Variants in ERC2 observed in about 807,000 individuals in gnomAD.
ERC2 encodes the protein ERC protein 2.
A neutral mutation model predicts 114.8 loss-of-function variants in ERC2; 42 were observed. The ratio of observed to expected loss-of-function variants is 0.37; its 90% CI spans 0.29 to 0.47. The LOEUF (loss-of-function observed/expected upper bound fraction) is 0.47. ERC2 is among the 20% of genes least tolerant of loss of function. The probability of loss-of-function intolerance (pLI) is 0.99; values close to 1 mark genes in which losing one functional copy is unlikely to be tolerated. For missense variants in ERC2, 939 were observed against 1,150.7 expected, an observed-to-expected ratio of 0.82 and a Z score of 2.66; for synonymous variants, 454 against 425.5, an observed-to-expected ratio of 1.07 and a Z score of -0.82.
chr3:56,443,602 C>T (rs1020370438), intron 1 of ERC2, among the ~76,000 whole-genome samples: 3 of 152,070 alleles, frequency 2.0e-5, no homozygotes, highest in African/African-American at 7.2e-5. Flanking sequence ...CCCCATGCCC[C>T]ACCCAGCTGT....
intron 13 of ERC2, among the ~76,000 whole-genome samples, chr3:55,893,651 G>A (rs2063713862): frequency 6.6e-6 from 1 of 152,088 alleles, no homozygotes; most frequent in African/African-American, 2.4e-5. Context: ...AGTCATTCCT[G>A]TTTAAGACCT....
intron 17 of ERC2, among the ~76,000 whole-genome samples, chr3:55,653,753 AAATGACATTT>A (rs1218064204): frequency 6.6e-6 from 1 of 152,216 alleles, no homozygotes; most frequent in Non-Finnish European, 1.5e-5. Flanking sequence ...AAAGTGATAA[AAATGACATTT>A]AAAAGTGTTC....
Position 55,920,446 on chromosome 3 carries a change from A to ACACCCCC in ERC2, c.2403+29978_2403+29979insGGGGGTG, listed in dbSNP as rs57638674. On this transcript the variant is annotated intron_variant, in intron 13 of 17. Transcript: ENST00000288221. ...CACACACACACACACACACACACAC[A>ACACCCCC]CCCCAAGTGAGAAGGATATTGCTAA... 9.3e-3 allele frequency among the ~76,000 whole-genome samples: 1,346 copies of ACACCCCC among 145,486 alleles called. 17 individuals are homozygous for ACACCCCC. Among genetic ancestry groups the ACACCCCC allele is most frequent in the Middle Eastern group, 0.049 (14 of 284 alleles).
chr3:55,708,631 T>C (rs1456022299), intron 15 of ERC2, among the ~76,000 whole-genome samples: 2 of 152,166 alleles, frequency 1.3e-5, no homozygotes, highest in East Asian at 1.9e-4. Flanking sequence ...AACTCCAGAC[T>C]CTTCTACTAC....
intron 17 of ERC2, among the ~76,000 whole-genome samples, chr3:55,662,778 A>G (rs533287730): frequency 2.0e-5 from 3 of 152,360 alleles, no homozygotes; most frequent in African/African-American, 7.2e-5. Flanking sequence ...GGGACTTGAA[A>G]TATGATGTTA....
chr3:56,267,019 G>A (rs551810705), intron 3 of ERC2, among the ~76,000 whole-genome samples: 1 of 152,272 alleles, frequency 6.6e-6, no homozygotes, highest in East Asian at 1.9e-4. Flanking sequence ...TACAGGTTGA[G>A]AATCCCTTAT....
intron 14 of ERC2, among the ~76,000 whole-genome samples, chr3:55,749,824 C>A (rs905735670): frequency 5.9e-5 from 9 of 152,326 alleles, no homozygotes; most frequent in African/African-American, 1.9e-4. Context: ...CTACTGCCCA[C>A]TCTTTGGATC....
At position 55,931,333 on chromosome 3, in the gene ERC2, C is replaced by A. The variant is rs1391865886; in HGVS notation, c.2403+19092G>T. ...TTTATTCCAGCACTGTTCACAATAG[C>A]AAAGACTTGGAACCAACCCAAATGC... is the stretch of plus-strand genomic sequence containing the variant. On this transcript the variant is annotated intron_variant, in intron 13 of 17. Transcript: ENST00000288221. 6.6e-5 allele frequency among the ~76,000 whole-genome samples: 10 copies of A among 152,256 alleles called. No homozygotes were observed. In the Middle Eastern group the frequency reaches 0.017, roughly 259 times the overall value.
rs117092437 is a variant in ERC2, at chr3:55,762,241, C to A, written c.2565-27323G>T. Among the ~76,000 whole-genome samples, 38 of 152,228 alleles carry A rather than the reference C, an allele frequency of 2.5e-4. No homozygotes were observed. In the East Asian group the frequency reaches 6.4e-3, roughly 26 times the overall value. The stretch of plus-strand genomic sequence containing the variant: ...TAAAGCCTACACTGAGTTAAATAAT[C>A]GGATTTAATGTAAGGATGGACTATT... On this transcript the variant is annotated intron_variant, in intron 14 of 17. Coordinates refer to ENST00000288221, the MANE Select transcript of ERC2 (RefSeq NM_015576.3).
At position 56,245,628 on chromosome 3, in the gene ERC2, C is replaced by T. The variant is rs533667278; in HGVS notation, c.1074+50391G>A. Among the ~76,000 whole-genome samples the T allele has an allele frequency of 2.8e-3, 428 of 151,856 alleles. 1 individual carries two copies. Among genetic ancestry groups the T allele is most frequent in the African/African-American group, 1.0e-2 (414 of 41,406 alleles). ...CCCAGGCTGGAGTGCACTGCAATCT[C>T]CGCCTCCTGGGTTCAAGCAATTCTC... On this transcript the variant is annotated intron_variant, in intron 3 of 17. Coordinates refer to ENST00000288221, the MANE Select transcript of ERC2 (RefSeq NM_015576.3).
rs1418091644 is a variant in ERC2 at position 55,937,028 on chromosome 3, G to A, written c.2403+13397C>T. Among the ~76,000 whole-genome samples the A allele has an allele frequency of 2.6e-5, 4 of 152,102 alleles. No individual in the cohort carries two copies. The South Asian group carries it at 8.3e-4, about 32-fold the overall frequency. On this transcript the variant is annotated intron_variant, in intron 13 of 17. Coordinates refer to ENST00000288221, the MANE Select transcript of ERC2 (RefSeq NM_015576.3). ...AGAAGCCAATGATCTTAACCCACGT[G>A]GTAAAAACATCCCTTAGAAAAGCAA...
At chr3:56,176,642 T>G (rs1194191058) in intron 3 of ERC2, among the ~76,000 whole-genome samples, 1 of 152,202 alleles carries the variant, frequency 6.6e-6, no homozygotes, top group African/African-American at 2.4e-5. Context: ...CTGAGGCTCA[T>G]CTTGATTCCT....
chr3:55,783,760 A>G (rs1270477882), intron 14 of ERC2, among the ~76,000 whole-genome samples: 3 of 152,174 alleles, frequency 2.0e-5, no homozygotes. Context: ...ACTTGCCCCA[A>G]CAGGTGATAA....
At chr3:55,527,026 G>A (rs889986426) in intron 17 of ERC2, among the ~76,000 whole-genome samples, 22 of 152,222 alleles carry the variant, frequency 1.4e-4, no homozygotes, top group African/African-American at 5.3e-4. Flanking sequence ...GCCTGGATGG[G>A]GGCAGGAGAG....
At chr3:56,032,977 G>GAAAGAAAGAGAAAGAA (rs767054115) in intron 7 of ERC2, among the ~76,000 whole-genome samples, 2 of 45,436 alleles carry the variant, frequency 4.4e-5, no homozygotes, top group African/African-American at 6.9e-5. Context: ...AAGAAAGAAA[G>GAAAGAAAGAGAAAGAA]AGAAAGAAAG....
chr3:56,266,654 G>A (rs527598069), intron 3 of ERC2, among the ~76,000 whole-genome samples: 97 of 152,252 alleles, frequency 6.4e-4, no homozygotes, highest in African/African-American at 2.1e-3. Flanking sequence ...CCAGCTACTC[G>A]GGAGGCTGAG....
chr3:56,321,339 T>C (rs78252723), intron 2 of ERC2, among the ~76,000 whole-genome samples: 1,551 of 152,148 alleles, frequency 0.01, 24 homozygotes, highest in African/African-American at 0.034. Flanking sequence ...GGAAAAAGAA[T>C]ACAGAAAATG....
chr3:56,020,943 G>C (rs2073673726), intron 7 of ERC2, among the ~76,000 whole-genome samples: 1 of 152,140 alleles, frequency 6.6e-6, no homozygotes, highest in Non-Finnish European at 1.5e-5. Flanking sequence ...TGGCATGCAG[G>C]TAGGGGTCAA....
chr3:56,366,376 T>G (rs1437692617), intron 2 of ERC2, among the ~76,000 whole-genome samples: 1 of 152,170 alleles, frequency 6.6e-6, no homozygotes, highest in African/African-American at 2.4e-5. Flanking sequence ...TCTTTGTTTA[T>G]TTCCAGTTAA....
Sources: gnomAD v4.1 joint callset for allele counts (sites outside exome capture counted in the v4.1 genomes callset) on GRCh38, gnomAD v4.1.1 for gene constraint, MANE v1.5 for transcripts, NCBI Gene and HGNC (gene_info 2026-07-23, HGNC 2026-07-21) for gene names.